Variants in NEK11 observed in about 807,000 individuals in gnomAD.
NEK11 encodes serine/threonine-protein kinase Nek11.
In NEK11, 72 loss-of-function variants were observed where a neutral mutation model predicts 80.7. That is an observed-to-expected ratio of 0.89 (90% CI 0.74 to 1.08). The LOEUF (loss-of-function observed/expected upper bound fraction) is 1.08. Ranked by LOEUF, NEK11 falls within the 50% of genes least tolerant of loss-of-function variation. The pLI is 0.00. For synonymous variants in NEK11, 251 were observed against 260.7 expected, an observed-to-expected ratio of 0.96 and a Z score of 0.36; for missense variants, 764 against 763.6, an observed-to-expected ratio of 1.00 and a Z score of -0.01.
At chr3:131,128,109 T>G (rs2083688237) in intron 5 of NEK11, among the ~76,000 whole-genome samples, 1 of 152,208 alleles carries the variant, frequency 6.6e-6, no homozygotes, top group African/African-American at 2.4e-5. Context: ...TCCCCTGTTA[T>G]CAGCATTGCT....
chr3:131,084,809 A>G (rs1354534002), intron 4 of NEK11, among the ~76,000 whole-genome samples: 1 of 152,198 alleles, frequency 6.6e-6, no homozygotes, highest in Non-Finnish European at 1.5e-5. Context: ...ACCTCTGGAA[A>G]GTCTGATTTA....
At chr3:131,048,124 C>T (rs1011162683) in intron 3 of NEK11, among the ~76,000 whole-genome samples, 6 of 152,148 alleles carry the variant, frequency 3.9e-5, no homozygotes, top group Non-Finnish European at 5.9e-5. Context: ...TTACTCCTAC[C>T]GTGCCCTCTC....
chr3:131,060,122 A>G (rs2070550339), intron 3 of NEK11, among the ~76,000 whole-genome samples: 1 of 152,194 alleles, frequency 6.6e-6, no homozygotes, highest in South Asian at 2.1e-4. Flanking sequence ...TATTATGGAT[A>G]TTGTCATGGG....
chr3:131,324,774 A>T (rs1467887491), intron 17 of NEK11, among the ~76,000 whole-genome samples: 1 of 152,154 alleles, frequency 6.6e-6, no homozygotes. Context: ...GCTTCCCCCG[A>T]TAGCCCAGTG....
intron 4 of NEK11, among the ~76,000 whole-genome samples, chr3:131,086,919 C>T (rs1276461119): frequency 2.6e-5 from 4 of 152,172 alleles, no homozygotes; most frequent in Admixed American, 6.5e-5. Context: ...TTGGCATCTC[C>T]TATTCAAATC....
intron 17 of NEK11, chr3:131,325,293 A>G (rs1207635206): frequency 1.3e-5 from 2 of 152,248 alleles, no homozygotes; most frequent in Admixed American, 1.3e-4. Flanking sequence ...AACAAGAAAT[A>G]ACTTATACCA....
At chr3:131,245,084 C>T (rs938482355) in intron 16 of NEK11, among the ~76,000 whole-genome samples, 1 of 152,016 alleles carries the variant, frequency 6.6e-6, no homozygotes, top group African/African-American at 2.4e-5. Context: ...TCACTCACCT[C>T]TCTCCCAACT....
intron 3 of NEK11, among the ~76,000 whole-genome samples, chr3:131,073,202 A>G (rs1459476413): frequency 6.6e-6 from 1 of 152,156 alleles, no homozygotes. Context: ...TATTTTGCTT[A>G]TTTATACAGA....
At chr3:131,209,979 C>A (rs956031410) in intron 14 of NEK11, among the ~76,000 whole-genome samples, 17 of 152,074 alleles carry the variant, frequency 1.1e-4, no homozygotes, top group African/African-American at 4.1e-4. Flanking sequence ...GTGTCTCTAG[C>A]TCCTTCAGAT....
intron 14 of NEK11, among the ~76,000 whole-genome samples, chr3:131,216,929 C>T (rs1336071419): frequency 1.3e-5 from 2 of 152,162 alleles, no homozygotes; most frequent in African/African-American, 4.8e-5. Context: ...TGTGGAGTAA[C>T]AGCTTCTCTG....
chr3:131,132,163 G>T (rs1018145519), intron 5 of NEK11, among the ~76,000 whole-genome samples: 9 of 151,576 alleles, frequency 5.9e-5, no homozygotes, highest in Admixed American at 5.9e-4. Context: ...ATTTTTATGT[G>T]AGCTCAACTG....
chr3:131,311,309 G>T (rs1055325074), intron 17 of NEK11, among the ~76,000 whole-genome samples: 1 of 152,020 alleles, frequency 6.6e-6, no homozygotes, highest in African/African-American at 2.4e-5. Flanking sequence ...ATACATTGTG[G>T]TTAACTATAG....
At position 131,347,598 on chromosome 3, in the gene NEK11, A is replaced by G. The variant is rs115332739; in HGVS notation, c.1719-1959A>G. 7.0e-3 allele frequency among the ~76,000 whole-genome samples: 1,064 copies of G among 152,280 alleles called. 13 individuals carry two copies. Among genetic ancestry groups the G allele is most frequent in the African/African-American group, 0.024 (993 of 41,538 alleles). ...CAATGTTATTATCAACATTACCATC[A>G]TTACTGTTAAGCATTAATGCTTCAA... On this transcript the variant is annotated intron_variant, in intron 17 of 17. Coordinates refer to ENST00000383366, the MANE Select transcript of NEK11 (RefSeq NM_024800.5).
chr3:131,122,644 T>C (rs1461726165), intron 5 of NEK11, among the ~76,000 whole-genome samples: 1 of 151,930 alleles, frequency 6.6e-6, no homozygotes, highest in African/African-American at 2.4e-5. Flanking sequence ...ACCTGCTAGA[T>C]GAAGGATAGA....
intron 4 of NEK11, among the ~76,000 whole-genome samples, chr3:131,099,486 T>G (rs1221691564): frequency 6.6e-6 from 1 of 152,224 alleles, no homozygotes; most frequent in East Asian, 1.9e-4. Flanking sequence ...TAGAGTAGTT[T>G]TTTCTAATTC....
intron 17 of NEK11, among the ~76,000 whole-genome samples, chr3:131,277,368 G>C (rs2096311198): frequency 6.6e-6 from 1 of 152,072 alleles, no homozygotes; most frequent in African/African-American, 2.4e-5. Flanking sequence ...TGTCCATTAG[G>C]CATCTCAAGC....
chr3:131,151,379 GA>G (rs2089606759), intron 7 of NEK11, among the ~76,000 whole-genome samples: 1 of 152,044 alleles, frequency 6.6e-6, no homozygotes, highest in Admixed American at 6.5e-5. Flanking sequence ...TACTGGAACA[GA>G]AATATTCTCA....
chr3:131,206,135 T>C (rs1382334791), intron 14 of NEK11, among the ~76,000 whole-genome samples: 1 of 152,210 alleles, frequency 6.6e-6, no homozygotes, highest in Admixed American at 6.5e-5. Context: ...TAACGTGACC[T>C]GGTTACCTGG....
intron 17 of NEK11, among the ~76,000 whole-genome samples, chr3:131,307,260 G>T (rs2096732624): frequency 6.6e-6 from 1 of 152,174 alleles, no homozygotes; most frequent in African/African-American, 2.4e-5. Context: ...AACTCTTGTT[G>T]CCTTCAGTAT....
Sources: allele counts gnomAD v4.1 joint callset (sites outside exome capture counted in the v4.1 genomes callset), GRCh38; gene constraint gnomAD v4.1.1; transcripts MANE v1.5; gene names NCBI Gene and HGNC (gene_info 2026-07-23, HGNC 2026-07-21).